ENTREP2: variants seen among roughly 807,000 people sequenced by gnomAD.
The protein encoded by ENTREP2 is protein ENTREP2.
At chr15:29,286,138 A>G in the ENTREP2 span, among the ~76,000 whole-genome samples, 1 of 152,214 alleles carries the variant, frequency 6.6e-6, no homozygotes, top group Non-Finnish European at 1.5e-5. Context: ...AATAACAAAG[A>G]AAGCTGCCAT....
chr15:29,425,555 T>C, the ENTREP2 span, among the ~76,000 whole-genome samples: 1 of 152,242 alleles, frequency 6.6e-6, no homozygotes, highest in Non-Finnish European at 1.5e-5. Flanking sequence ...CTAAAAGTGC[T>C]GTCTTTTAAT....
At chr15:29,314,772 C>T in the ENTREP2 span, among the ~76,000 whole-genome samples, 1 of 152,108 alleles carries the variant, frequency 6.6e-6, no homozygotes, top group Non-Finnish European at 1.5e-5. Flanking sequence ...TAATAGAAGG[C>T]CAGGTGCAGT....
the ENTREP2 span, among the ~76,000 whole-genome samples, chr15:29,345,468 C>G: frequency 6.6e-5 from 10 of 152,126 alleles, no homozygotes; most frequent in Non-Finnish European, 1.2e-4. Context: ...AGGCTGTCTG[C>G]TTTCTGCACC....
chr15:29,434,000 T>C, the ENTREP2 span, among the ~76,000 whole-genome samples: 6 of 152,202 alleles, frequency 3.9e-5, no homozygotes, highest in African/African-American at 1.2e-4. Context: ...GTCAATTTGT[T>C]TGTCTGTCTA....
chr15:29,301,914 G>A, the ENTREP2 span, among the ~76,000 whole-genome samples: 246 of 152,266 alleles, frequency 1.6e-3, 2 homozygotes, highest in Non-Finnish European at 2.5e-3. Flanking sequence ...AAATCTGCTT[G>A]TGCCTTCATG....
At chr15:29,669,691 T>C in the ENTREP2 span, among the ~76,000 whole-genome samples, 2 of 152,280 alleles carry the variant, frequency 1.3e-5, no homozygotes, top group South Asian at 4.1e-4. Flanking sequence ...ACCCCATTCA[T>C]TGGATGCAGG....
chr15:29,532,185 T>C, the ENTREP2 span, among the ~76,000 whole-genome samples: 8 of 152,314 alleles, frequency 5.3e-5, no homozygotes, highest in Admixed American at 1.3e-4. Flanking sequence ...CAGAGCAATT[T>C]TGAATTTATT....
At chr15:29,226,261 TGTTTACTTTGCTAGGAAA>T in the ENTREP2 span, among the ~76,000 whole-genome samples, 4 of 152,224 alleles carry the variant, frequency 2.6e-5, no homozygotes, top group South Asian at 2.1e-4. Flanking sequence ...TTGCTGGGAA[TGTTTACTTTGCTAGGAAA>T]GTTTACTTTG....
chr15:29,432,490 C>G, the ENTREP2 span, among the ~76,000 whole-genome samples: 8 of 152,202 alleles, frequency 5.3e-5, no homozygotes, highest in Admixed American at 2.6e-4. Context: ...GTCTTCTTCC[C>G]CACATTTGCA....
chr15:29,445,148 G>T, the ENTREP2 span, among the ~76,000 whole-genome samples: 1 of 152,212 alleles, frequency 6.6e-6, no homozygotes, highest in Non-Finnish European at 1.5e-5. Context: ...GCTTTTGGAG[G>T]TGATTTGGTG....
the ENTREP2 span, among the ~76,000 whole-genome samples, chr15:29,621,393 G>A: frequency 6.6e-6 from 1 of 151,162 alleles, no homozygotes; most frequent in Non-Finnish European, 1.5e-5. Flanking sequence ...CGTGGTGGCG[G>A]GCGCCTGTAG....
chr15:29,293,293 C>T, the ENTREP2 span, among the ~76,000 whole-genome samples: 1 of 152,116 alleles, frequency 6.6e-6, no homozygotes, highest in East Asian at 1.9e-4. Flanking sequence ...GCTCTGTCCC[C>T]AGGCTGGAGT....
chr15:29,236,526 G>A, the ENTREP2 span, among the ~76,000 whole-genome samples: 4 of 152,026 alleles, frequency 2.6e-5, no homozygotes, highest in African/African-American at 9.7e-5. Flanking sequence ...GCATGCACCT[G>A]TAGTCCTACC....
At chr15:29,390,626 G>A in the ENTREP2 span, among the ~76,000 whole-genome samples, 1 of 152,180 alleles carries the variant, frequency 6.6e-6, no homozygotes, top group African/African-American at 2.4e-5. Flanking sequence ...ATAACAGGCT[G>A]CCGGGAAATA....
chr15:29,536,172 G>A, the ENTREP2 span, among the ~76,000 whole-genome samples: 18 of 152,198 alleles, frequency 1.2e-4, 1 homozygote, highest in Middle Eastern at 6.8e-3. Flanking sequence ...GACCACTGAG[G>A]GGAAGTCTGG....
chr15:29,535,598 G>A, the ENTREP2 span, among the ~76,000 whole-genome samples: 2 of 152,168 alleles, frequency 1.3e-5, no homozygotes, highest in African/African-American at 2.4e-5. Flanking sequence ...GCTGAAGCAG[G>A]AAGATCACTC....
At chr15:29,148,284 T>C in the ENTREP2 span, among the ~76,000 whole-genome samples, 2 of 152,192 alleles carry the variant, frequency 1.3e-5, no homozygotes, top group South Asian at 4.1e-4. Context: ...AATTGTATGA[T>C]AGGTGAATTG....
chr15:29,664,225 G>A, the ENTREP2 span, among the ~76,000 whole-genome samples: 2 of 152,142 alleles, frequency 1.3e-5, no homozygotes, highest in Non-Finnish European at 1.5e-5. Flanking sequence ...GAGTAGGGAC[G>A]GCTGTGTTGA....
At chr15:29,511,198 AAAAG>A in the ENTREP2 span, among the ~76,000 whole-genome samples, 1,023 of 152,304 alleles carry the variant, frequency 6.7e-3, 5 homozygotes, top group African/African-American at 0.023. Flanking sequence ...ATTTTAAAAT[AAAAG>A]AAAGAAAGAA....
Sources: allele counts gnomAD v4.1 joint callset (sites outside exome capture counted in the v4.1 genomes callset), GRCh38; gene constraint gnomAD v4.1.1; transcripts MANE v1.5; gene names NCBI Gene and HGNC (gene_info 2026-07-23, HGNC 2026-07-21).